KCNMB4: variants seen among roughly 807,000 people sequenced by gnomAD.
KCNMB4 encodes calcium-activated potassium channel subunit beta-4.
In KCNMB4, 3 loss-of-function variants were observed where a neutral mutation model predicts 20.7. That is an observed-to-expected ratio of 0.14 (90% CI 0.07 to 0.37). The LOEUF (loss-of-function observed/expected upper bound fraction) is 0.37, where lower values mean the gene tolerates loss of function less well. KCNMB4 is among the 10% of genes least tolerant of loss of function. The probability of loss-of-function intolerance (pLI) is 1.00; values close to 1 mark genes in which losing one functional copy is unlikely to be tolerated. For synonymous variants in KCNMB4, 110 were observed against 113.4 expected, an observed-to-expected ratio of 0.97 and a Z score of 0.19; for missense variants, 168 against 265.9, an observed-to-expected ratio of 0.63 and a Z score of 2.56.
At chr12:70,390,803 T>A (rs1291411057) in intron 1 of KCNMB4, among the ~76,000 whole-genome samples, 2 of 152,226 alleles carry the variant, frequency 1.3e-5, no homozygotes, top group Non-Finnish European at 2.9e-5. Flanking sequence ...GGGCCTATTG[T>A]GACACTAACT....
At chr12:70,429,473 G>A (rs963998262) in intron 2 of KCNMB4, among the ~76,000 whole-genome samples, 4 of 151,836 alleles carry the variant, frequency 2.6e-5, no homozygotes, top group African/African-American at 9.7e-5. Context: ...GAGACCATCC[G>A]GGCTAACATG....
intron 1 of KCNMB4, among the ~76,000 whole-genome samples, chr12:70,371,866 A>G (rs1398789240): frequency 6.6e-6 from 1 of 152,218 alleles, no homozygotes; most frequent in Non-Finnish European, 1.5e-5. Flanking sequence ...GAAGTAACAG[A>G]CAAGAAATAA....
At chr12:70,379,298 A>G (rs1883743098) in intron 1 of KCNMB4, among the ~76,000 whole-genome samples, 1 of 152,224 alleles carries the variant, frequency 6.6e-6, no homozygotes, top group African/African-American at 2.4e-5. Flanking sequence ...TCTTCTTCCA[A>G]TAGAGGGCTG....
chr12:70,400,306 C>T lies in KCNMB4; in HGVS notation c.434C>T (p.Pro145Leu). 6.2e-7 allele frequency: 1 copy of T among 1,605,166 alleles called. No individual in the cohort carries two copies. Among genetic ancestry groups the T allele is most frequent in the South Asian group, 1.1e-5 (1 of 88,490 alleles). The change falls in exon 2 of 3, where the codon CCA (proline) becomes CTA (leucine). Residue 145 changes from proline to leucine, a missense_variant. Physicochemically the swap from Pro to Leu is moderately conservative, Grantham distance 98. Coordinates refer to ENST00000258111, the MANE Select transcript of KCNMB4 (RefSeq NM_014505.6). ...QYWKDEIGSQ[P>L]FTCYFNQHQR... ...TGGAAAGATGAGATTGGTTCCCAGC[C>T]ATTTACTTGCTATTTTAATCAACAT... is the stretch of plus-strand genomic sequence containing the variant.
At chr12:70,406,780 C>T (rs1231416200) in intron 2 of KCNMB4, among the ~76,000 whole-genome samples, 2 of 152,204 alleles carry the variant, frequency 1.3e-5, no homozygotes, top group Non-Finnish European at 2.9e-5. Context: ...AGGGTTGTCT[C>T]CTCCTGTCAG....
chr12:70,404,018 A>T (rs1868528101), intron 2 of KCNMB4, among the ~76,000 whole-genome samples: 2 of 152,260 alleles, frequency 1.3e-5, no homozygotes, highest in Non-Finnish European at 2.9e-5. Flanking sequence ...GCACATATAA[A>T]TATGATTACA....
rs147452880 is a variant in KCNMB4, at chr12:70,403,102, G to A, written c.464+2766G>A. ...ACCCCTGAGTAGATTTGGGAAGGAA[G>A]AAGAAAGGGAACAAGGTGTTGTGGA... On this transcript the variant is annotated intron_variant, in intron 2 of 2. Coordinates refer to ENST00000258111, the MANE Select transcript of KCNMB4 (RefSeq NM_014505.6). 4.2e-3 allele frequency among the ~76,000 whole-genome samples: 632 copies of A among 151,978 alleles called. 5 individuals are homozygous for A. The highest frequency in any genetic ancestry group is 0.014 in the African/African-American group (592 of 41,402).
At position 70,379,960 on chromosome 12, in the gene KCNMB4, G is replaced by A. The variant is rs542616257; in HGVS notation, c.336+12890G>A. On this transcript the variant is annotated intron_variant, in intron 1 of 2. Coordinates refer to ENST00000258111, the MANE Select transcript of KCNMB4 (RefSeq NM_014505.6). The stretch of plus-strand genomic sequence containing the variant: ...TTTCTTATCATTCGTGTGTTCACTA[G>A]AGTAGCACTTTGAATTTTTTTGCAG... Among the ~76,000 whole-genome samples, 6 of 152,298 alleles carry A rather than the reference G, an allele frequency of 3.9e-5. No individual in the cohort carries two copies. In the South Asian group the frequency reaches 1.0e-3, roughly 26 times the overall value.
At chr12:70,403,506 T>C (rs1868514021) in intron 2 of KCNMB4, among the ~76,000 whole-genome samples, 1 of 152,132 alleles carries the variant, frequency 6.6e-6, no homozygotes, top group South Asian at 2.1e-4. Context: ...CTAATTTTTG[T>C]ATTATTTAGT....
intron 2 of KCNMB4, among the ~76,000 whole-genome samples, chr12:70,411,181 T>C (rs1868763747): frequency 6.6e-6 from 1 of 152,172 alleles, no homozygotes; most frequent in South Asian, 2.1e-4. Context: ...TTCTGAAGAC[T>C]TGTACAAAAT....
At chr12:70,374,007 C>G (rs1234671025) in intron 1 of KCNMB4, among the ~76,000 whole-genome samples, 1 of 152,134 alleles carries the variant, frequency 6.6e-6, no homozygotes, top group Non-Finnish European at 1.5e-5. Flanking sequence ...CAAAAGCAAT[C>G]TAATCTGCAG....
rs1869367974 is a variant in KCNMB4, at chr12:70,431,647, G to A, written c.*994G>A. ...TGCAGTTTGCTTAGACAAACCTGGA[G>A]ATGCAACCCAGCTCACATCATTGCT... On this transcript the variant is annotated 3_prime_UTR_variant, in exon 3 of 3. Transcript: ENST00000258111. 6.6e-6 allele frequency: 1 copy of A among 151,984 alleles called. No homozygotes were observed. Among genetic ancestry groups the A allele is most frequent in the South Asian group, 2.1e-4 (1 of 4,818 alleles). The allele number at this position is 151,984 out of a possible 1,614,324, so 9.4% of individuals were successfully genotyped here.
chr12:70,381,290 G>T (rs1198144927), intron 1 of KCNMB4, among the ~76,000 whole-genome samples: 1 of 152,110 alleles, frequency 6.6e-6, no homozygotes, highest in East Asian at 1.9e-4. Flanking sequence ...ATGTAAGAAT[G>T]AAAAAGATAA....
chr12:70,390,685 G>C (rs895752272), intron 1 of KCNMB4, among the ~76,000 whole-genome samples: 2 of 152,156 alleles, frequency 1.3e-5, no homozygotes, highest in African/African-American at 2.4e-5. Context: ...TCAGTATATT[G>C]ATCAGAGAAG....
rs563988811 is a variant in KCNMB4 at position 70,397,719 on chromosome 12, C to A, written c.337-2490C>A. Among the ~76,000 whole-genome samples, 3 of 152,224 alleles carry A rather than the reference C, an allele frequency of 2.0e-5. No homozygotes were observed. In the East Asian group the frequency reaches 5.8e-4, roughly 29 times the overall value. On this transcript the variant is annotated intron_variant, in intron 1 of 2. Transcript: ENST00000258111. ...AGAGACATTTCTTTTAAACCCATTTCTCCCCAAAAAACTAAATAGCAAAGA... is the reference window on the plus strand; with the variant it reads ...AGAGACATTTCTTTTAAACCCATTTATCCCCAAAAAACTAAATAGCAAAGA...
intron 1 of KCNMB4, among the ~76,000 whole-genome samples, chr12:70,393,322 C>T (rs555089463): frequency 2.6e-5 from 4 of 152,224 alleles, no homozygotes; most frequent in African/African-American, 9.6e-5. Flanking sequence ...CCTGCCTCAG[C>T]CTCCTAAGTA....
chr12:70,370,721 G>A (rs943313325), intron 1 of KCNMB4, among the ~76,000 whole-genome samples: 21 of 148,946 alleles, frequency 1.4e-4, no homozygotes, highest in African/African-American at 4.2e-4. Context: ...TAAATGAAAT[G>A]AACTTGATTC....
intron 1 of KCNMB4, among the ~76,000 whole-genome samples, chr12:70,398,000 A>T (rs1868370885): frequency 6.6e-6 from 1 of 152,202 alleles, no homozygotes; most frequent in Non-Finnish European, 1.5e-5. Flanking sequence ...ATGTAGAAAA[A>T]TATATATTTT....
At chr12:70,397,835 CTT>C (rs1374712220) in intron 1 of KCNMB4, among the ~76,000 whole-genome samples, 3 of 151,954 alleles carry the variant, frequency 2.0e-5, no homozygotes, top group Non-Finnish European at 2.9e-5. Context: ...TAGTATATCT[CTT>C]GTGTCAAGTA....
Sources: allele counts gnomAD v4.1 joint callset (sites outside exome capture counted in the v4.1 genomes callset), GRCh38; gene constraint gnomAD v4.1.1; transcripts MANE v1.5; gene names NCBI Gene and HGNC (gene_info 2026-07-23, HGNC 2026-07-21).